NEB: variants seen among roughly 807,000 people sequenced by gnomAD.
NEB encodes the protein nebulin.
A neutral mutation model predicts 952.2 loss-of-function variants in NEB; 512 were observed. The observed-to-expected ratio is 0.54, with a 90% CI of 0.50 to 0.58. The LOEUF (loss-of-function observed/expected upper bound fraction) is 0.58. NEB is among the 20% of genes least tolerant of loss of function. The pLI is 0.00. For missense variants in NEB, 8,428 were observed against 9,231.1 expected (o/e 0.91, Z 3.56); for synonymous variants, 2,900 against 3,149.8 (o/e 0.92, Z 2.66).
chr2:151,569,663 C>A (rs1017504759), intron 109 of NEB, among the ~76,000 whole-genome samples: 2 of 151,888 alleles, frequency 1.3e-5, no homozygotes, highest in African/African-American at 4.8e-5. Context: ...ATGGGAAATC[C>A]GACATTTGTA....
At chr2:151,665,045 C>T (rs766721619) in intron 42 of NEB, among the ~76,000 whole-genome samples, 182 bp from the exon 43 acceptor site, 16 of 152,138 alleles carry the variant, frequency 1.1e-4, no homozygotes, top group Non-Finnish European at 2.1e-4. Context: ...TTGTTGAATA[C>T]GGCAACCCTC....
chr2:151,527,832 C>T (rs1348416654), intron 146 of NEB, among the ~76,000 whole-genome samples: 1 of 152,210 alleles, frequency 6.6e-6, no homozygotes, highest in African/African-American at 2.4e-5. Context: ...TGAAATGATT[C>T]TTCAATCTCT....
At position 151,719,743 on chromosome 2, in the gene NEB, G is replaced by A. The variant is rs571189841; in HGVS notation, c.718-2223C>T. Among the ~76,000 whole-genome samples, 4 of 152,220 alleles carry A rather than the reference G, an allele frequency of 2.6e-5. No homozygotes were observed. In the South Asian group the frequency reaches 8.3e-4, roughly 32 times the overall value. On this transcript the variant is annotated intron_variant, in intron 9 of 181. Transcript: ENST00000397345. ...AAAATACAAAAATTAGCCGGGTGTG[G>A]TGGTGTGCACCTGTAGTCCCAGCTA...
chr2:151,537,236 C>G lies in NEB; in HGVS notation c.21103G>C (p.Val7035Leu), dbSNP rs2093343008. ...HRAVTDTVSD[V>L]KYKEDLTWLK... ...CAAGTCAAGTCTTCTTTATATTTTA[C>G]CTGGGAGAAGAAGAACATCAAAGAG... The change falls in exon 141 of 182, where the codon GTA becomes CTA. Residue 7035 changes from valine to leucine, a missense_variant and splice_region_variant. This residue lies in a region of NEB where 3,374 missense variants were observed against 3,651.5 expected (regional missense o/e 0.92). Coordinates refer to ENST00000397345, the MANE Select transcript of NEB (RefSeq NM_001164508.2). 3 of 1,590,476 alleles carry G rather than the reference C, an allele frequency of 1.9e-6. No individual in the cohort carries two copies. The highest frequency in any genetic ancestry group is 1.7e-6 in the Non-Finnish European group (2 of 1,159,456).
At chr2:151,499,194 T>C (rs980079688) in intron 169 of NEB, 104 bp downstream of exon 169, 1 of 587,106 alleles carries the variant, frequency 1.7e-6, no homozygotes, top group Non-Finnish European at 2.9e-6. Context: ...AAAAGACAGG[T>C]CAAATTTTTT....
chr2:151,540,538 T>C, intron 137 of NEB, 90 bp from the exon 138 acceptor site: 2 of 1,133,606 alleles, frequency 1.8e-6, no homozygotes, highest in Non-Finnish European at 1.3e-6. Context: ...AGGGGCACAA[T>C]GTGTTACACA....
intron 124 of NEB, among the ~76,000 whole-genome samples, chr2:151,558,426 A>C (rs1479728767): frequency 6.6e-6 from 1 of 152,188 alleles, no homozygotes; most frequent in African/African-American, 2.4e-5. Context: ...ATATCGTGAA[A>C]ATAGCCATAC....
At chr2:151,558,693 A>G (rs1200693993) in intron 124 of NEB, among the ~76,000 whole-genome samples, 1 of 152,198 alleles carries the variant, frequency 6.6e-6, no homozygotes, top group East Asian at 1.9e-4. Flanking sequence ...AAAACAAGCG[A>G]TGGGGAGAAG....
At chr2:151,691,224 T>C (rs1284453046) in intron 23 of NEB, among the ~76,000 whole-genome samples, 1 of 152,106 alleles carries the variant, frequency 6.6e-6, no homozygotes, top group Non-Finnish European at 1.5e-5. Flanking sequence ...CACCCCATCC[T>C]TTCAATTCCT....
intron 119 of NEB, among the ~76,000 whole-genome samples, chr2:151,563,283 G>A (rs552717386): frequency 2.8e-4 from 42 of 152,126 alleles, no homozygotes; most frequent in Middle Eastern, 3.4e-3. Context: ...CAAAGTGCTG[G>A]GATTACAGGT....
At chr2:151,697,697 G>C (rs746396853) in intron 13 of NEB, 49 bp from the exon 14 acceptor site, 3 of 1,171,394 alleles carry the variant, frequency 2.6e-6, no homozygotes, top group Non-Finnish European at 3.7e-6. Context: ...TCACTCCCAC[G>C]CTGATTATAA....
At position 151,485,512 on chromosome 2, in the gene NEB, T is replaced by G; in HGVS notation, c.*248A>C. On this transcript the variant is annotated 3_prime_UTR_variant, in exon 182 of 182. Transcript: ENST00000397345. ...CAAAATCCCTGTTTTAGAAAAGAAA[T>G]AATGTTAAAACATGTTTATAATGGA... The G allele has an allele frequency of 2.8e-6, 1 of 350,998 alleles. No homozygotes were observed. The highest frequency in any genetic ancestry group is 5.1e-6 in the Non-Finnish European group (1 of 196,264). 21.7% of individuals were successfully genotyped at this position (350,998 alleles called of 1,614,324 possible).
chr2:151,688,270 C>T, intron 25 of NEB, 22 bp downstream of exon 25: 1 of 1,521,428 alleles, frequency 6.6e-7, no homozygotes, highest in African/African-American at 1.4e-5. Flanking sequence ...CAAACATAGG[C>T]TTCTGTGGCT....
intron 153 of NEB, among the ~76,000 whole-genome samples, chr2:151,523,865 C>A (rs2083621293): frequency 6.6e-6 from 1 of 151,798 alleles, no homozygotes. Context: ...CTAGCCCGGG[C>A]AGTTAATATA....
chr2:151,638,807 CTGTGTGTG>C (rs71996133), intron 63 of NEB, among the ~76,000 whole-genome samples: 2,377 of 147,944 alleles, frequency 0.016, 88 homozygotes, highest in African/African-American at 0.054. Flanking sequence ...TTCTCTCTCT[CTGTGTGTG>C]TGTGTGTGTG....
chr2:151,729,778 G>C (rs2099801309), intron 3 of NEB, 122 bp from the exon 4 acceptor site: 1 of 1,010,676 alleles, frequency 9.9e-7, no homozygotes, highest in Non-Finnish European at 1.6e-6. Context: ...CTGTGGGAAA[G>C]GGGTAGGTGA....
At chr2:151,693,913 C>T (rs12052828) in intron 20 of NEB, among the ~76,000 whole-genome samples, 1 of 151,860 alleles carries the variant, frequency 6.6e-6, no homozygotes, top group Non-Finnish European at 1.5e-5. Context: ...TTTGCCCTTA[C>T]ATTAATTTCT....
chr2:151,717,668 T>A (rs2099762785), intron 9 of NEB, 148 bp from the exon 10 acceptor site: 1 of 647,430 alleles, frequency 1.5e-6, no homozygotes. Context: ...TCTATTTTGC[T>A]GAATTTTCTT....
At chr2:151,514,041 G>A (rs369051192) in intron 159 of NEB, among the ~76,000 whole-genome samples, 3 of 152,164 alleles carry the variant, frequency 2.0e-5, no homozygotes, top group East Asian at 1.9e-4. Flanking sequence ...TAGTGTTTTC[G>A]TGTAGATGAG....
Sources: allele counts gnomAD v4.1 joint callset (sites outside exome capture counted in the v4.1 genomes callset), GRCh38; gene constraint gnomAD v4.1.1; regional missense constraint gnomAD v4.1.1; transcripts MANE v1.5; gene names NCBI Gene and HGNC (gene_info 2026-07-23, HGNC 2026-07-21).